The following BEND6 variants were observed in gnomAD, a reference collection of about 807,000 sequenced individuals.
The protein encoded by BEND6 is BEN domain-containing protein 6.
Under a neutral mutation model 31.8 loss-of-function variants are expected in BEND6, and 24 were observed. The observed-to-expected ratio is 0.75, with a 90% CI of 0.55 to 1.06. BEND6 has a LOEUF of 1.06. BEND6 is among the 50% of genes least tolerant of loss of function. BEND6 has a pLI of 0.00. For synonymous variants in BEND6, 109 were observed against 114.6 expected (o/e 0.95, Z 0.31); for missense variants, 294 against 327.4 (o/e 0.90, Z 0.79).
intron 2 of BEND6, among the ~76,000 whole-genome samples, chr6:56,982,517 C>A (rs1395584956): frequency 6.6e-6 from 1 of 152,164 alleles, no homozygotes; most frequent in Non-Finnish European, 1.5e-5. Context: ...TCCCCACTCC[C>A]ATTCCCCTCC....
intron 3 of BEND6, among the ~76,000 whole-genome samples, chr6:56,999,291 G>A (rs1826838945): frequency 6.6e-6 from 1 of 151,654 alleles, no homozygotes; most frequent in African/African-American, 2.4e-5. Context: ...GGCCATCTCT[G>A]CTTCATGCCC....
intron 4 of BEND6, among the ~76,000 whole-genome samples, chr6:57,016,198 G>A (rs1459799769): frequency 1.3e-5 from 2 of 152,074 alleles, no homozygotes; most frequent in Admixed American, 1.3e-4. Flanking sequence ...TAAAAAGACA[G>A]GAGTTTTGTT....
rs1826629593 is a variant in BEND6 at position 56,994,476 on chromosome 6, A to AAAG, written c.298+1923_298+1924insGAA. On this transcript the variant is annotated intron_variant, in intron 3 of 6. Coordinates refer to ENST00000370746, the MANE Select transcript of BEND6 (RefSeq NM_152731.3). ...CCATCTCAAAAAAAAAAAAAAAAAAAAAAAAAAAGGCATTAATCTTGGAGC... is the reference window on the plus strand; with the variant it reads ...CCATCTCAAAAAAAAAAAAAAAAAAAAAGAAAAAAAAGGCATTAATCTTGGAGC... Among the ~76,000 whole-genome samples the AAAG allele has an allele frequency of 1.1e-4, 16 of 150,732 alleles. No homozygotes were observed. The South Asian group carries it at 3.4e-3, about 32-fold the overall frequency.
intron 1 of BEND6, among the ~76,000 whole-genome samples, chr6:56,973,327 G>T (rs981908158): frequency 1.3e-5 from 2 of 152,056 alleles, no homozygotes; most frequent in African/African-American, 4.8e-5. Context: ...ACCTTAGAGG[G>T]TGCATACTGT....
intron 1 of BEND6, among the ~76,000 whole-genome samples, chr6:56,963,417 T>C (rs944734794): frequency 1.3e-5 from 2 of 152,180 alleles, no homozygotes; most frequent in African/African-American, 4.8e-5. Context: ...TAAAAAATTA[T>C]AGTTTCACCC....
chr6:56,970,228 T>C (rs534438682), intron 1 of BEND6, among the ~76,000 whole-genome samples: 2 of 152,210 alleles, frequency 1.3e-5, no homozygotes, highest in Admixed American at 6.5e-5. Flanking sequence ...AGAGTCTCAC[T>C]CTGTCACCCA....
chr6:56,996,330 C>A (rs1341565350), intron 3 of BEND6, among the ~76,000 whole-genome samples: 1 of 152,032 alleles, frequency 6.6e-6, no homozygotes, highest in Non-Finnish European at 1.5e-5. Context: ...GCCTATGGTC[C>A]CAGCTACCCG....
In BEND6 at chr6:57,018,228, T is replaced by C. The variant is rs145375653; in HGVS notation, c.713-193T>C. Among the ~76,000 whole-genome samples, 572 of 152,350 alleles carry C rather than the reference T, an allele frequency of 3.8e-3. 4 individuals carry two copies. The highest frequency in any genetic ancestry group is 0.013 in the African/African-American group (546 of 41,582). ...ATCTCAGTTGATAATATAGACCTTC[T>C]GATATCTCTTGCTTTACTTAGAAAA... On this transcript the variant is annotated intron_variant, in intron 5 of 6. Coordinates refer to ENST00000370746, the MANE Select transcript of BEND6 (RefSeq NM_152731.3).
At chr6:56,959,545 G>GT (rs1467211376) in intron 1 of BEND6, among the ~76,000 whole-genome samples, 2 of 152,138 alleles carry the variant, frequency 1.3e-5, no homozygotes, top group African/African-American at 4.8e-5. Context: ...TGTTTTACAT[G>GT]TGCTTGTATT....
chr6:56,997,565 A>T (rs1372381512), intron 3 of BEND6, among the ~76,000 whole-genome samples: 3 of 151,970 alleles, frequency 2.0e-5, no homozygotes, highest in African/African-American at 4.8e-5. Flanking sequence ...TTATTTATTT[A>T]TTTTTTGAGA....
At chr6:56,977,550 A>G (rs551798915) in intron 1 of BEND6, among the ~76,000 whole-genome samples, 5 of 152,338 alleles carry the variant, frequency 3.3e-5, no homozygotes, top group South Asian at 4.1e-4. Flanking sequence ...ATGGTTATTC[A>G]TTTTATTAGT....
chr6:57,000,449 G>C (rs139897669), intron 3 of BEND6, among the ~76,000 whole-genome samples: 353 of 151,928 alleles, frequency 2.3e-3, no homozygotes, highest in African/African-American at 8.1e-3. Context: ...CAAACACTGC[G>C]GAAGGCCTAG....
intron 1 of BEND6, among the ~76,000 whole-genome samples, chr6:56,963,482 C>G (rs1025990750): frequency 3.3e-5 from 5 of 152,322 alleles, no homozygotes; most frequent in Middle Eastern, 3.4e-3. Context: ...TTTGACCCAG[C>G]ATCTCCAGAA....
At chr6:56,963,510 G>C (rs950707198) in intron 1 of BEND6, among the ~76,000 whole-genome samples, 1 of 152,168 alleles carries the variant, frequency 6.6e-6, no homozygotes, top group Non-Finnish European at 1.5e-5. Flanking sequence ...GAAGCTTAGC[G>C]GGGCCAAGCT....
chr6:56,959,024 T>G (rs1324388097), intron 1 of BEND6, among the ~76,000 whole-genome samples: 1 of 152,206 alleles, frequency 6.6e-6, no homozygotes, highest in Non-Finnish European at 1.5e-5. Context: ...CCAATGGTGA[T>G]TATTTTGTCA....
At chr6:57,015,536 C>T (rs1392009641) in intron 4 of BEND6, among the ~76,000 whole-genome samples, 183 bp downstream of exon 4, 1 of 151,692 alleles carries the variant, frequency 6.6e-6, no homozygotes, top group Non-Finnish European at 1.5e-5. Flanking sequence ...TGTGGTGGCT[C>T]ACCCCTGTAA....
At chr6:56,981,011 A>G (rs1023997063) in intron 1 of BEND6, among the ~76,000 whole-genome samples, 20 of 152,148 alleles carry the variant, frequency 1.3e-4, no homozygotes, top group Admixed American at 9.2e-4. Context: ...ATGAGGTTTT[A>G]CCATATTTCC....
At chr6:56,983,980 A>C (rs1826160084) in intron 2 of BEND6, among the ~76,000 whole-genome samples, 1 of 152,188 alleles carries the variant, frequency 6.6e-6, no homozygotes, top group Admixed American at 6.6e-5. Context: ...GCACTTTGGA[A>C]GGCTGAGGCA....
At chr6:56,997,521 G>A (rs549508179) in intron 3 of BEND6, among the ~76,000 whole-genome samples, 1 of 152,238 alleles carries the variant, frequency 6.6e-6, no homozygotes, top group African/African-American at 2.4e-5. Context: ...ACTGCCTACT[G>A]CCACTGCAGT....
Sources: allele counts gnomAD v4.1 joint callset (sites outside exome capture counted in the v4.1 genomes callset), GRCh38; gene constraint gnomAD v4.1.1; transcripts MANE v1.5; gene names NCBI Gene and HGNC (gene_info 2026-07-23, HGNC 2026-07-21).